The following ASAP2 variants were observed in gnomAD, a reference collection of about 807,000 sequenced individuals.
The protein encoded by ASAP2 is ArfGAP with SH3 domain, ankyrin repeat and PH domain 2.
A neutral mutation model predicts 131.4 loss-of-function variants in ASAP2; 45 were observed. That is an observed-to-expected ratio of 0.34 (90% confidence interval 0.27 to 0.44). The LOEUF (loss-of-function observed/expected upper bound fraction) is 0.44. ASAP2 is among the 20% of genes least tolerant of loss of function. The pLI, the probability that ASAP2 is intolerant of heterozygous loss-of-function variation, is 1.00. For missense variants in ASAP2, 1,011 were observed against 1,297.0 expected (o/e 0.78, Z 3.39); for synonymous variants, 510 against 503.0 (o/e 1.01, Z -0.19).
intron 1 of ASAP2, among the ~76,000 whole-genome samples, chr2:9,238,356 C>T (rs1663700403): frequency 1.3e-5 from 2 of 152,146 alleles, no homozygotes; most frequent in Middle Eastern, 3.2e-3. Flanking sequence ...TTAGGGGAAC[C>T]GCTTGATATT....
At chr2:9,385,694 T>G (rs1170660514) in intron 21 of ASAP2, among the ~76,000 whole-genome samples, 1 of 152,220 alleles carries the variant, frequency 6.6e-6, no homozygotes, top group Non-Finnish European at 1.5e-5. Context: ...AGAGCCAGAT[T>G]TCCCCCAGTC....
intron 25 of ASAP2, 150 bp downstream of exon 25, chr2:9,400,222 CCTCCT>C: frequency 1.4e-6 from 1 of 727,478 alleles, no homozygotes; most frequent in Non-Finnish European, 2.3e-6. Flanking sequence ...TGCCCCCTCC[CCTCCT>C]GCCCCCTCCC....
Position 9,279,367 on chromosome 2 carries a change from A to G in ASAP2, c.177A>G (p.Lys59=). ...TTTACAAAATGAAGAAATCCGTGAA[A>G]GCAATCAACAGCTCTGGGCTGGGTG... The part of the protein sequence containing the change: ...MVLYKMKKSV[K]AINSSGLAHV... Residue 59 remains lysine (K), a synonymous_variant, in exon 2 of 28, where the codon AAA becomes AAG. Transcript: ENST00000281419. 1 of 1,614,190 alleles carries G rather than the reference A, an allele frequency of 6.2e-7. No individual in the cohort carries two copies. Among genetic ancestry groups the G allele is most frequent in the Non-Finnish European group, 8.5e-7 (1 of 1,180,008 alleles).
At chr2:9,352,553 G>A (rs1672427169) in intron 12 of ASAP2, among the ~76,000 whole-genome samples, 1 of 152,196 alleles carries the variant, frequency 6.6e-6, no homozygotes, top group Non-Finnish European at 1.5e-5. Flanking sequence ...TGCCATATGT[G>A]CAGAAGCACT....
rs550811998 is a variant in ASAP2 at position 9,279,460 on chromosome 2, T to C, written c.199+71T>C. 1.1e-5 allele frequency: 15 copies of C among 1,408,500 alleles called. No homozygotes were observed. The South Asian group carries it at 1.6e-4, about 15-fold the overall frequency. 87.3% of individuals were successfully genotyped at this position (1,408,500 alleles called of 1,614,324 possible). A position where few individuals can be genotyped will look rare whatever the true frequency, so the allele number is the denominator to read the frequency against. ...CATTTGAAGTCCTGGTACCGTAATA[T>C]TGATGACCATTAACAAATGAGCCAG... On this transcript the variant is annotated intron_variant, in intron 2 of 27. Coordinates refer to ENST00000281419, the MANE Select transcript of ASAP2 (RefSeq NM_003887.3).
chr2:9,301,804 C>T (rs559065262), intron 3 of ASAP2, among the ~76,000 whole-genome samples: 4 of 148,204 alleles, frequency 2.7e-5, no homozygotes, highest in South Asian at 4.3e-4. Context: ...TACCAAGCAA[C>T]GTGTGTATCC....
At chr2:9,358,010 T>C (rs1378558328) in intron 14 of ASAP2, among the ~76,000 whole-genome samples, 1 of 152,200 alleles carries the variant, frequency 6.6e-6, no homozygotes, top group Non-Finnish European at 1.5e-5. Flanking sequence ...TATCATCTGC[T>C]AAATGTATGG....
chr2:9,279,596 CCT>C (rs1200088389), intron 2 of ASAP2, among the ~76,000 whole-genome samples: 2 of 152,106 alleles, frequency 1.3e-5, no homozygotes, highest in Non-Finnish European at 1.5e-5. Flanking sequence ...GATTTCGTCC[CCT>C]GTCATCCCCT....
At chr2:9,340,516 G>C (rs1224334368) in intron 9 of ASAP2, among the ~76,000 whole-genome samples, 1 of 152,180 alleles carries the variant, frequency 6.6e-6, no homozygotes, top group Non-Finnish European at 1.5e-5. Context: ...TTAGACCATG[G>C]CTCAGTGCTT....
In ASAP2 at chr2:9,388,378, GC is replaced by G; in HGVS notation, c.2217del (p.Arg740GlufsTer28). The G allele has an allele frequency of 6.2e-7, 1 of 1,614,096 alleles. No individual in the cohort carries two copies. The highest frequency in any genetic ancestry group is 8.5e-7 in the Non-Finnish European group (1 of 1,180,014). ...GCTTCAGTCTAACGCTGTATCTTTG[GC>G]CAGAGATGCTGCAAACCTTGCCAAG... Reference protein sequence around the residue: ...NQLQSNAVSLARDAANLAKEK... With the variant: ...NQLQSNAVSLXRDAANLAKEK... On this transcript the variant is annotated frameshift_variant, in exon 22 of 28. Coordinates refer to ENST00000281419, the MANE Select transcript of ASAP2 (RefSeq NM_003887.3). LOFTEE classifies it high-confidence loss of function.
intron 11 of ASAP2, among the ~76,000 whole-genome samples, chr2:9,348,770 G>A (rs1217708996): frequency 1.3e-5 from 2 of 152,130 alleles, no homozygotes; most frequent in Non-Finnish European, 2.9e-5. Flanking sequence ...AGTTAAGAAC[G>A]AACACCTTTC....
At chr2:9,300,048 A>AT (rs759227503) in intron 3 of ASAP2, among the ~76,000 whole-genome samples, 3 of 152,200 alleles carry the variant, frequency 2.0e-5, no homozygotes, top group Non-Finnish European at 2.9e-5. Flanking sequence ...CCTGGGCAAC[A>AT]TGGGGAACCC....
intron 19 of ASAP2, among the ~76,000 whole-genome samples, chr2:9,379,621 G>A (rs1349563783): frequency 1.3e-5 from 2 of 152,118 alleles, no homozygotes; most frequent in African/African-American, 2.4e-5. Context: ...CCCCTCAGGA[G>A]GAAGTATTTT....
intron 4 of ASAP2, 101 bp from the exon 5 acceptor site, chr2:9,320,187 G>A (rs1670064999): frequency 1.2e-5 from 12 of 987,968 alleles, no homozygotes. Flanking sequence ...ATTTATTGCA[G>A]AAATTAATGC....
intron 11 of ASAP2, among the ~76,000 whole-genome samples, chr2:9,349,308 ACG>A (rs1672180267): frequency 6.6e-5 from 10 of 152,198 alleles, no homozygotes; most frequent in Non-Finnish European, 1.3e-4. Context: ...TAAAATTTGC[ACG>A]TGTACAGTTG....
chr2:9,383,100 CG>C (rs1167134683), intron 20 of ASAP2, among the ~76,000 whole-genome samples: 3 of 150,958 alleles, frequency 2.0e-5, no homozygotes, highest in African/African-American at 7.3e-5. Context: ...CATATCATCT[CG>C]GGGGGGCCAC....
intron 12 of ASAP2, among the ~76,000 whole-genome samples, chr2:9,354,594 C>G (rs1036780952): frequency 6.7e-6 from 1 of 149,380 alleles, no homozygotes; most frequent in African/African-American, 2.5e-5. Flanking sequence ...CTGTGCACTG[C>G]ACGTTTGCAC....
chr2:9,344,474 C>T (rs1671816930), intron 9 of ASAP2, 58 bp from the exon 10 acceptor site: 1 of 1,451,524 alleles, frequency 6.9e-7, no homozygotes, highest in Admixed American at 1.9e-5. Flanking sequence ...TTGTGTACTG[C>T]TTTTCTAAAA....
chr2:9,315,056 CAGCAGGGAT>C (rs1669554142), intron 3 of ASAP2, among the ~76,000 whole-genome samples: 1 of 152,008 alleles, frequency 6.6e-6, no homozygotes, highest in Non-Finnish European at 1.5e-5. Flanking sequence ...AGGCTTTGAA[CAGCAGGGAT>C]AGGGAAGACG....
Sources: allele counts gnomAD v4.1 joint callset (sites outside exome capture counted in the v4.1 genomes callset), GRCh38; gene constraint gnomAD v4.1.1; transcripts MANE v1.5; gene names NCBI Gene and HGNC (gene_info 2026-07-23, HGNC 2026-07-21).